The following MICAL3 variants were observed in gnomAD, a reference collection of about 807,000 sequenced individuals.
The protein encoded by MICAL3 is microtubule associated monooxygenase, calponin and LIM domain containing 3.
A neutral mutation model predicts 207.4 loss-of-function variants in MICAL3; 62 were observed. The observed-to-expected ratio is 0.30, with a 90% CI of 0.24 to 0.37. The LOEUF (loss-of-function observed/expected upper bound fraction) is 0.37. Among genes scored for constraint, MICAL3 ranks in the 10% least tolerant of loss-of-function variants. The pLI, the probability that MICAL3 is intolerant of heterozygous loss-of-function variation, is 1.00. For synonymous variants in MICAL3, 1,077 were observed against 1,069.3 expected (o/e 1.01, Z -0.14); for missense variants, 2,368 against 2,635.6 (o/e 0.90, Z 2.22).
Position 17,790,676 on chromosome 22 carries a change from G to C in MICAL3, c.*56C>G. ...TCAGATCGCGGCTCCGGGTGGTTTGGATGCCACTGCCTGGCCAGGCGGATG... is the reference window on the plus strand; with the variant it reads ...TCAGATCGCGGCTCCGGGTGGTTTGCATGCCACTGCCTGGCCAGGCGGATG... On this transcript the variant is annotated 3_prime_UTR_variant, in exon 32 of 32. Transcript: ENST00000441493. 1 of 1,500,164 alleles carries C rather than the reference G, an allele frequency of 6.7e-7. No homozygotes were observed. The highest frequency in any genetic ancestry group is 1.4e-5 in the African/African-American group (1 of 71,950). The allele number at this position is 1,500,164 out of a possible 1,614,324, so 92.9% of individuals were successfully genotyped here. A position where few individuals can be genotyped will look rare whatever the true frequency, so the allele number is the denominator to read the frequency against.
At chr22:18,016,449 T>C (rs1334600657) in intron 1 of MICAL3, among the ~76,000 whole-genome samples, 1 of 152,180 alleles carries the variant, frequency 6.6e-6, no homozygotes, top group Non-Finnish European at 1.5e-5. Context: ...TTAACAACTA[T>C]AGACAGGTCA....
intron 28 of MICAL3, among the ~76,000 whole-genome samples, chr22:17,809,189 T>A (rs1021320014): frequency 1.3e-5 from 2 of 152,198 alleles, no homozygotes; most frequent in Non-Finnish European, 2.9e-5. Flanking sequence ...GTGACCACCC[T>A]CCCAGGAGTG....
At chr22:17,976,575 A>ATTTTTTT (rs1935653744) in intron 1 of MICAL3, among the ~76,000 whole-genome samples, 1 of 89,452 alleles carries the variant, frequency 1.1e-5, no homozygotes, top group African/African-American at 5.9e-5. Flanking sequence ...ATATATATAT[A>ATTTTTTT]TATATATATA....
Position 18,002,659 on chromosome 22 carries a change from G to A in MICAL3, c.-75+21622C>T, listed in dbSNP as rs892835738. On this transcript the variant is annotated intron_variant, in intron 1 of 31. Coordinates refer to ENST00000441493, the MANE Select transcript of MICAL3 (RefSeq NM_015241.3). ...AAAAAAGAAAACGAAAATATAGAGC[G>A]AATTGAACCAAATATATCTTGTATG... 8.6e-5 allele frequency among the ~76,000 whole-genome samples: 13 copies of A among 151,938 alleles called. 1 individual carries two copies. The highest frequency in any genetic ancestry group is 2.4e-4 in the African/African-American group (10 of 41,362).
At position 17,821,509 on chromosome 22, in the gene MICAL3, C is replaced by A. The variant is rs979354854; in HGVS notation, c.3449G>T (p.Gly1150Val). 1 of 1,537,340 alleles carries A rather than the reference C, an allele frequency of 6.5e-7. No homozygotes were observed. The highest frequency in any genetic ancestry group is 1.2e-5 in the South Asian group (1 of 82,024). The change falls in exon 25 of 32, where the codon GGT (glycine) becomes GTT (valine). Residue 1150 changes from glycine to valine, a missense_variant and splice_region_variant. Coordinates refer to ENST00000441493, the MANE Select transcript of MICAL3 (RefSeq NM_015241.3). Reference sequence around the variant, plus strand: ...GATGGGGCTGGTGGCTTGGGAGGGACCTGAAAAGAATGAACACAGGGACTT... The same window carrying A: ...GATGGGGCTGGTGGCTTGGGAGGGAACTGAAAAGAATGAACACAGGGACTT... Reference protein sequence around the residue: ...LPASPKHQERGPSQATSPIRS... With the variant: ...LPASPKHQERVPSQATSPIRS...
chr22:17,939,666 A>G (rs1933718131), intron 1 of MICAL3, among the ~76,000 whole-genome samples: 1 of 152,204 alleles, frequency 6.6e-6, no homozygotes. Flanking sequence ...TTTCCAAAGG[A>G]GCTAGACAAA....
At chr22:17,906,104 C>T (rs1385066845) in intron 2 of MICAL3, among the ~76,000 whole-genome samples, 3 of 152,200 alleles carry the variant, frequency 2.0e-5, no homozygotes, top group African/African-American at 7.2e-5. Flanking sequence ...AAGTGACCTG[C>T]ATCCTCCGAA....
At chr22:17,915,007 C>T (rs2146285471) in intron 1 of MICAL3, among the ~76,000 whole-genome samples, 1 of 152,236 alleles carries the variant, frequency 6.6e-6, no homozygotes, top group South Asian at 2.1e-4. Context: ...CTTCCTGACC[C>T]ACTAATCTAA....
At chr22:17,826,621 A>C in intron 22 of MICAL3, 1 of 481,440 alleles carries the variant, frequency 2.1e-6, no homozygotes, top group Non-Finnish European at 2.7e-6. Flanking sequence ...GAAAGTGAGA[A>C]GGCATTCAGG....
At chr22:17,886,561 T>C (rs1929887457) in intron 15 of MICAL3, among the ~76,000 whole-genome samples, 1 of 152,074 alleles carries the variant, frequency 6.6e-6, no homozygotes, top group Admixed American at 6.5e-5. Context: ...TCCCAGCACT[T>C]TGGGAGGCCA....
intron 16 of MICAL3, among the ~76,000 whole-genome samples, chr22:17,873,313 A>C (rs1156744132): frequency 6.6e-6 from 1 of 152,232 alleles, no homozygotes; most frequent in Non-Finnish European, 1.5e-5. Context: ...CTCCTCACTC[A>C]GAAGGAACCA....
intron 1 of MICAL3, among the ~76,000 whole-genome samples, chr22:17,976,158 T>C (rs893942803): frequency 1.3e-5 from 2 of 152,274 alleles, no homozygotes; most frequent in East Asian, 1.9e-4. Flanking sequence ...ATCTGAACAA[T>C]ATAGGCAGAG....
Position 17,887,308 on chromosome 22 carries a change from G to A in MICAL3, c.2004+15C>T. On this transcript the variant is annotated intron_variant, in intron 14 of 31. Coordinates refer to ENST00000441493, the MANE Select transcript of MICAL3 (RefSeq NM_015241.3). ...CCATTAGCTTTGCAGCCCATCAAGA[G>A]ACTCCTCCACATACCTTGGGAGAAC... is the stretch of plus-strand genomic sequence containing the variant. 1 of 1,611,446 alleles carries A rather than the reference G, an allele frequency of 6.2e-7. No homozygotes were observed. Among genetic ancestry groups the A allele is most frequent in the South Asian group, 1.1e-5 (1 of 90,972 alleles).
At chr22:17,976,583 A>T (rs1339190409) in intron 1 of MICAL3, among the ~76,000 whole-genome samples, 878 of 87,576 alleles carry the variant, frequency 0.01, 60 homozygotes, top group African/African-American at 0.038. Flanking sequence ...ATATATATAT[A>T]TATATATTTT....
chr22:17,906,916 C>T, intron 1 of MICAL3, 30 bp from the exon 2 acceptor site: 1 of 1,154,318 alleles, frequency 8.7e-7, no homozygotes, highest in Non-Finnish European at 1.2e-6. Flanking sequence ...ACGTGGTTAG[C>T]ATTTCTCTGT....
chr22:17,810,687 T>C lies in MICAL3; in HGVS notation c.5556+16A>G. The C allele has an allele frequency of 1.2e-6, 2 of 1,604,112 alleles. No individual in the cohort carries two copies. Among genetic ancestry groups the C allele is most frequent in the Non-Finnish European group, 1.7e-6 (2 of 1,170,980 alleles). On this transcript the variant is annotated intron_variant, in intron 28 of 31. Transcript: ENST00000441493. ...CTCCCATGCATGTGCCCTGGTCCCA[T>C]CCTCCATGGTTTTACCTGGGCTCGA...
intron 1 of MICAL3, among the ~76,000 whole-genome samples, chr22:17,982,531 C>T (rs762148709): frequency 6.6e-6 from 1 of 151,902 alleles, no homozygotes; most frequent in African/African-American, 2.4e-5. Context: ...ATTAGGCAGG[C>T]GCAGTGTCAG....
intron 1 of MICAL3, among the ~76,000 whole-genome samples, chr22:17,929,575 T>TA (rs1933134783): frequency 7.0e-6 from 1 of 142,984 alleles, no homozygotes; most frequent in East Asian, 2.0e-4. Flanking sequence ...TTTCTTTTTT[T>TA]TTTTTTTTTT....
intron 18 of MICAL3, 53 bp from the exon 19 acceptor site, chr22:17,865,039 C>G: frequency 6.5e-7 from 1 of 1,543,300 alleles, no homozygotes; most frequent in South Asian, 1.2e-5. Context: ...GCACTCAAAT[C>G]CTCAAATCCC....
Sources: allele counts gnomAD v4.1 joint callset (sites outside exome capture counted in the v4.1 genomes callset), GRCh38; gene constraint gnomAD v4.1.1; transcripts MANE v1.5; gene names NCBI Gene and HGNC (gene_info 2026-07-23, HGNC 2026-07-21).